The following METTL14 variants were observed in gnomAD, a reference collection of about 807,000 sequenced individuals.
METTL14 encodes the protein N(6)-adenosine-methyltransferase non-catalytic subunit METTL14.
Under a neutral mutation model 62.4 loss-of-function variants are expected in METTL14, and 32 were observed. The ratio of observed to expected loss-of-function variants is 0.51; its 90% confidence interval spans 0.39 to 0.69. METTL14 has a LOEUF of 0.69. Ranked by LOEUF, METTL14 falls within the 30% of genes least tolerant of loss-of-function variation. METTL14 has a pLI of 0.00. For missense variants in METTL14, 340 were observed against 551.9 expected, an observed-to-expected ratio of 0.62 and a Z score of 3.85; for synonymous variants, 150 against 180.0, an observed-to-expected ratio of 0.83 and a Z score of 1.34.
intron 6 of METTL14, among the ~76,000 whole-genome samples, chr4:118,696,263 A>G (rs1283300615): frequency 1.3e-5 from 2 of 151,520 alleles, no homozygotes; most frequent in African/African-American, 4.9e-5. Context: ...TTGCTTATTT[A>G]CTTATTTATT....
At chr4:118,695,332 T>G (rs1021034918) in intron 6 of METTL14, among the ~76,000 whole-genome samples, 1 of 151,746 alleles carries the variant, frequency 6.6e-6, no homozygotes, top group Non-Finnish European at 1.5e-5. Context: ...GTGGATCACC[T>G]GAGGTCAGGA....
At chr4:118,703,438 A>G (rs1359805605) in intron 8 of METTL14, among the ~76,000 whole-genome samples, 1 of 152,238 alleles carries the variant, frequency 6.6e-6, no homozygotes, top group Non-Finnish European at 1.5e-5. Context: ...TAACAATTTT[A>G]AGTTTGAACA....
chr4:118,699,814 C>T (rs1383092585), intron 7 of METTL14, among the ~76,000 whole-genome samples: 1 of 152,106 alleles, frequency 6.6e-6, no homozygotes, highest in Admixed American at 6.5e-5. Context: ...TTTTGTCTGG[C>T]CCCAGAGCCC....
intron 7 of METTL14, among the ~76,000 whole-genome samples, chr4:118,698,619 T>C (rs1560880937): frequency 6.6e-6 from 1 of 151,950 alleles, no homozygotes; most frequent in Non-Finnish European, 1.5e-5. Context: ...TTTAGTAAGA[T>C]TGAGTGATTG....
intron 1 of METTL14, among the ~76,000 whole-genome samples, chr4:118,687,457 T>TA (rs1724103102): frequency 6.6e-6 from 1 of 152,222 alleles, no homozygotes; most frequent in Non-Finnish European, 1.5e-5. Flanking sequence ...GTTCCAGACT[T>TA]ACTATCATTT....
chr4:118,689,384 C>A lies in METTL14; in HGVS notation c.170C>A (p.Thr57Asn). 6.3e-7 allele frequency: 1 copy of A among 1,598,620 alleles called. No homozygotes were observed. The change falls in exon 3 of 11, where the codon ACC (threonine) becomes AAC (asparagine). Residue 57 changes from threonine (T) to asparagine (N), a missense_variant. Transcript: ENST00000388822. ...TTATTTTTCAGGGCTTCCTATGATACCTCTGCTCCAAATGCAAAACGTAAG... is the reference window on the plus strand; with the variant it reads ...TTATTTTTCAGGGCTTCCTATGATAACTCTGCTCCAAATGCAAAACGTAAG... ...TRETCRASYD[T>N]SAPNAKRKYL...
rs748799727 is a variant in METTL14 at position 118,705,688 on chromosome 4, T to A, written c.933T>A (p.Ile311=). 29 of 1,614,054 alleles carry A rather than the reference T, an allele frequency of 1.8e-5. No individual in the cohort carries two copies. Among genetic ancestry groups the A allele is most frequent in the Non-Finnish European group, 2.5e-5 (29 of 1,180,018 alleles). Residue 311 remains isoleucine (I), a synonymous_variant, in exon 10 of 11, where the codon ATT becomes ATA. Coordinates refer to ENST00000388822, the MANE Select transcript of METTL14 (RefSeq NM_020961.4). ...ACTTCATTCATGCTAATGTTGACAT[T>A]GACTTAATTATCACAGAAGAACCTG... ...DGDFIHANVD[I]DLIITEEPEI...
At chr4:118,709,247 A>G (rs441216) in intron 10 of METTL14, among the ~76,000 whole-genome samples, 109,912 of 152,074 alleles carry the variant, frequency 0.72, 41,097 homozygotes, top group South Asian at 0.82. Flanking sequence ...TTAATGAGAA[A>G]TGTTATTGGA....
chr4:118,693,112 A>C (rs1724303409), intron 5 of METTL14, among the ~76,000 whole-genome samples: 1 of 152,112 alleles, frequency 6.6e-6, no homozygotes, highest in Admixed American at 6.6e-5. Flanking sequence ...TTTACTAACA[A>C]CGTATGATGG....
At position 118,685,617 on chromosome 4, in the gene METTL14, T is replaced by C. The variant is rs367572710; in HGVS notation, c.66+17T>C. 75 of 1,612,628 alleles carry C rather than the reference T, an allele frequency of 4.7e-5. No homozygotes were observed. The African/African-American group carries it at 9.1e-4, about 20-fold the overall frequency. On this transcript the variant is annotated intron_variant, in intron 1 of 10. Transcript: ENST00000388822. Reference sequence around the variant, plus strand: ...GCGCAGCAGGTCCGCGGCCCTGGTGTCCCCTGTGGGAGGGATCGAGAATGC... The same window carrying C: ...GCGCAGCAGGTCCGCGGCCCTGGTGCCCCCTGTGGGAGGGATCGAGAATGC...
chr4:118,707,559 G>A (rs955019128), intron 10 of METTL14, among the ~76,000 whole-genome samples: 7 of 151,222 alleles, frequency 4.6e-5, no homozygotes. Context: ...AGCTACTTGG[G>A]AGGCTGAGGC....
At position 118,710,505 on chromosome 4, in the gene METTL14, C is replaced by T; in HGVS notation, c.*203C>T. 1 of 553,952 alleles carries T rather than the reference C, an allele frequency of 1.8e-6. No homozygotes were observed. The highest frequency in any genetic ancestry group is 3.2e-6 in the Non-Finnish European group (1 of 316,242). 34.3% of individuals were successfully genotyped at this position (553,952 alleles called of 1,614,324 possible). A position where few individuals can be genotyped will look rare whatever the true frequency, so the allele number is the denominator to read the frequency against. On this transcript the variant is annotated 3_prime_UTR_variant, in exon 11 of 11. Coordinates refer to ENST00000388822, the MANE Select transcript of METTL14 (RefSeq NM_020961.4). ...TTTTCAGGATAAATGAATGATTCTG[C>T]CTTTTGTTATGTGCGTGAACAGAAT...
intron 2 of METTL14, among the ~76,000 whole-genome samples, chr4:118,688,628 G>A (rs1016332722): frequency 6.6e-6 from 1 of 152,064 alleles, no homozygotes; most frequent in Non-Finnish European, 1.5e-5. Flanking sequence ...CTTAGAAAAT[G>A]GAATGTTAGA....
chr4:118,691,795 G>A (rs1157577521), intron 4 of METTL14, among the ~76,000 whole-genome samples, 183 bp downstream of exon 4: 2 of 152,002 alleles, frequency 1.3e-5, no homozygotes, highest in Non-Finnish European at 2.9e-5. Flanking sequence ...TTAGTGTGAG[G>A]TAACAGTATA....
chr4:118,686,118 T>G (rs1724048865), intron 1 of METTL14, among the ~76,000 whole-genome samples: 1 of 152,236 alleles, frequency 6.6e-6, no homozygotes, highest in Admixed American at 6.5e-5. Flanking sequence ...AGTTAATATT[T>G]GAAATCTTAC....
At chr4:118,695,357 T>C (rs561243562) in intron 6 of METTL14, among the ~76,000 whole-genome samples, 2 of 152,050 alleles carry the variant, frequency 1.3e-5, no homozygotes, top group African/African-American at 4.8e-5. Context: ...GAGACCAGCC[T>C]GCCCAACATG....
At chr4:118,692,768 C>T (rs1227071957) in intron 5 of METTL14, among the ~76,000 whole-genome samples, 1 of 151,998 alleles carries the variant, frequency 6.6e-6, no homozygotes, top group Non-Finnish European at 1.5e-5. Context: ...TATACTAGAA[C>T]ATTTGCATCT....
chr4:118,707,861 G>T lies in METTL14; in HGVS notation c.1066+2040G>T, dbSNP rs1289630120. Among the ~76,000 whole-genome samples, 8 of 149,674 alleles carry T rather than the reference G, an allele frequency of 5.3e-5. No homozygotes were observed. In the East Asian group the frequency reaches 1.2e-3, roughly 22 times the overall value. On this transcript the variant is annotated intron_variant, in intron 10 of 10. Transcript: ENST00000388822. ...CAATTTTTTTTTTTTTTTGAGACAG[G>T]TTCTCACTCTTGTTCAGGCTGGAGT...
chr4:118,700,376 A>G (rs1364339729), intron 7 of METTL14, among the ~76,000 whole-genome samples, 174 bp from the exon 8 acceptor site: 1 of 152,218 alleles, frequency 6.6e-6, no homozygotes, highest in Non-Finnish European at 1.5e-5. Flanking sequence ...TAAAGTAACA[A>G]AACAATAGAA....
Sources: gnomAD v4.1 joint callset for allele counts (sites outside exome capture counted in the v4.1 genomes callset) on GRCh38, gnomAD v4.1.1 for gene constraint, MANE v1.5 for transcripts, NCBI Gene and HGNC (gene_info 2026-07-23, HGNC 2026-07-21) for gene names.